ERBB4: variants seen among roughly 807,000 people sequenced by gnomAD.
ERBB4 encodes the protein erb-b2 receptor tyrosine kinase 4, also known as receptor tyrosine-protein kinase erbB-4.
ERBB4 carries 42 observed loss-of-function variants against 158.0 expected under a neutral mutation model. That is an observed-to-expected ratio of 0.27 (90% CI 0.21 to 0.34). The LOEUF (loss-of-function observed/expected upper bound fraction) is 0.34, where lower values mean the gene tolerates loss of function less well. ERBB4 is among the 10% of genes least tolerant of loss of function. The pLI is 1.00. For synonymous variants in ERBB4, 583 were observed against 558.7 expected, an observed-to-expected ratio of 1.04 and a Z score of -0.61; for missense variants, 1,333 against 1,624.1, an observed-to-expected ratio of 0.82 and a Z score of 3.08.
chr2:212,467,261 G>C (rs111582297), intron 1 of ERBB4, among the ~76,000 whole-genome samples: 1 of 152,130 alleles, frequency 6.6e-6, no homozygotes, highest in East Asian at 1.9e-4. Context: ...ATGAGGAGCC[G>C]AATGTTAATC....
chr2:211,922,001 T>C (rs2079869495), intron 3 of ERBB4, among the ~76,000 whole-genome samples: 1 of 152,122 alleles, frequency 6.6e-6, no homozygotes, highest in Non-Finnish European at 1.5e-5. Context: ...CCTTGACATT[T>C]AAGCTAACAA....
chr2:212,519,021 T>C (rs1691999913), intron 1 of ERBB4, among the ~76,000 whole-genome samples: 1 of 152,034 alleles, frequency 6.6e-6, no homozygotes, highest in African/African-American at 2.4e-5. Context: ...CTATTACTAA[T>C]GCCATCCTGT....
At chr2:211,858,572 T>G (rs1265483049) in intron 3 of ERBB4, among the ~76,000 whole-genome samples, 1 of 146,362 alleles carries the variant, frequency 6.8e-6, no homozygotes, top group Non-Finnish European at 1.5e-5. Flanking sequence ...GTTAATAAAA[T>G]CATGGCTCAC....
intron 3 of ERBB4, among the ~76,000 whole-genome samples, chr2:211,943,878 G>T (rs2080575693): frequency 6.6e-6 from 1 of 151,870 alleles, no homozygotes; most frequent in African/African-American, 2.4e-5. Context: ...TTTTTAATGT[G>T]CGAATTAATC....
intron 1 of ERBB4, among the ~76,000 whole-genome samples, chr2:212,531,056 T>G (rs1692729274): frequency 6.6e-6 from 1 of 152,204 alleles, no homozygotes; most frequent in African/African-American, 2.4e-5. Context: ...GGAAATAATG[T>G]GATTAATAGT....
intron 1 of ERBB4, among the ~76,000 whole-genome samples, chr2:212,417,973 C>T (rs750782209): frequency 9.2e-5 from 14 of 151,818 alleles, no homozygotes; most frequent in South Asian, 2.1e-4. Context: ...GAAATTAATG[C>T]CTTTATAAAA....
At chr2:212,194,214 G>C (rs576108910) in intron 1 of ERBB4, among the ~76,000 whole-genome samples, 1 of 151,738 alleles carries the variant, frequency 6.6e-6, no homozygotes, top group Non-Finnish European at 1.5e-5. Context: ...TAGAGAAAGA[G>C]AGATGTTAGG....
In ERBB4 at chr2:211,884,646, A is replaced by G. The variant is rs1263018274; in HGVS notation, c.421+62784T>C. On this transcript the variant is annotated intron_variant, in intron 3 of 27. Coordinates refer to ENST00000342788, the MANE Select transcript of ERBB4 (RefSeq NM_005235.3). ...TTCCCACATGTATCATATTTATAGC[A>G]TTTCATTATCCTCTGTCTGTGACAC... Among the ~76,000 whole-genome samples, 5 of 152,274 alleles carry G rather than the reference A, an allele frequency of 3.3e-5. No homozygotes were observed. The East Asian group carries it at 7.7e-4, about 24-fold the overall frequency.
Position 212,120,915 on chromosome 2 carries a change from A to G in ERBB4, c.234+3837T>C, listed in dbSNP as rs78372438. Among the ~76,000 whole-genome samples, 1,064 of 152,328 alleles carry G rather than the reference A, an allele frequency of 7.0e-3. 7 individuals carry two copies. The highest frequency in any genetic ancestry group is 0.024 in the Middle Eastern group (7 of 294). On this transcript the variant is annotated intron_variant, in intron 2 of 27. Coordinates refer to ENST00000342788, the MANE Select transcript of ERBB4 (RefSeq NM_005235.3). ...TATAGGAAATAATGGTAAAATCACT[A>G]TATTTTCTTTACATGGACTCCACTT...
chr2:211,503,908 A>T (rs2065679394), intron 20 of ERBB4, among the ~76,000 whole-genome samples: 1 of 152,078 alleles, frequency 6.6e-6, no homozygotes, highest in African/African-American at 2.4e-5. Context: ...GGATTGCTAG[A>T]TTGATCCCAC....
At chr2:211,799,133 G>A (rs1368540949) in intron 3 of ERBB4, among the ~76,000 whole-genome samples, 1 of 152,118 alleles carries the variant, frequency 6.6e-6, no homozygotes, top group Non-Finnish European at 1.5e-5. Context: ...TTGTACAAGA[G>A]AGCTGAGCTC....
intron 14 of ERBB4, among the ~76,000 whole-genome samples, chr2:211,671,528 T>C (rs2071839509): frequency 6.6e-6 from 1 of 152,140 alleles, no homozygotes; most frequent in Non-Finnish European, 1.5e-5. Context: ...AAATGAAACA[T>C]TAGGCAAGTT....
At position 211,562,769 on chromosome 2, in the gene ERBB4, C is replaced by CTTTTTTTTTTTTTTTTTTTTT. The variant is rs367801279; in HGVS notation, c.2302-682_2302-681insAAAAAAAAAAAAAAAAAAAAA. Reference sequence around the variant, plus strand: ...GACTATAAAAATTTGACTACTCCAACTTTTTTTTTTTTTTTTTTTTGAGAC... The same window carrying CTTTTTTTTTTTTTTTTTTTTT: ...GACTATAAAAATTTGACTACTCCAACTTTTTTTTTTTTTTTTTTTTTTTTTTTTTTTTTTTTTTTTTGAGAC... On this transcript the variant is annotated intron_variant, in intron 19 of 27. Coordinates refer to ENST00000342788, the MANE Select transcript of ERBB4 (RefSeq NM_005235.3). 2.8e-4 allele frequency among the ~76,000 whole-genome samples: 35 copies of CTTTTTTTTTTTTTTTTTTTTT among 125,704 alleles called. 3 individuals are homozygous for CTTTTTTTTTTTTTTTTTTTTT. The highest frequency in any genetic ancestry group is 3.5e-4 in the African/African-American group (10 of 28,296). 82.5% of individuals were successfully genotyped at this position (125,704 alleles called of 152,430 possible).
chr2:211,999,735 A>T (rs992550458), intron 2 of ERBB4, among the ~76,000 whole-genome samples: 2 of 151,612 alleles, frequency 1.3e-5, no homozygotes, highest in Non-Finnish European at 3.0e-5. Flanking sequence ...TCTGTCTATA[A>T]TTTTTGTGTG....
Position 211,840,139 on chromosome 2 carries a change from C to G in ERBB4, c.422-51980G>C, listed in dbSNP as rs151218560. Among the ~76,000 whole-genome samples, 145 of 152,044 alleles carry G rather than the reference C, an allele frequency of 9.5e-4. 1 individual carries two copies. In the South Asian group the frequency reaches 0.011, roughly 11 times the overall value. ...TAATTCCCACGTGTTGTGGGAGGGACCTGGTGGGACCTAACAGAATCATGG... is the reference window on the plus strand; with the variant it reads ...TAATTCCCACGTGTTGTGGGAGGGAGCTGGTGGGACCTAACAGAATCATGG... On this transcript the variant is annotated intron_variant, in intron 3 of 27. Coordinates refer to ENST00000342788, the MANE Select transcript of ERBB4 (RefSeq NM_005235.3).
intron 3 of ERBB4, among the ~76,000 whole-genome samples, chr2:211,905,647 CAT>C (rs56758130): frequency 0.047 from 3,348 of 71,340 alleles, 68 homozygotes; most frequent in Non-Finnish European, 0.051. Context: ...TAGGAAGGAT[CAT>C]ATATATATAT....
At chr2:212,264,761 G>C (rs2085069529) in intron 1 of ERBB4, among the ~76,000 whole-genome samples, 2 of 152,080 alleles carry the variant, frequency 1.3e-5, no homozygotes, top group African/African-American at 4.8e-5. Flanking sequence ...ATTATGTGTA[G>C]AAAAGGTTCA....
At chr2:211,413,222 G>A (rs1434605384) in intron 25 of ERBB4, among the ~76,000 whole-genome samples, 5 of 149,920 alleles carry the variant, frequency 3.3e-5, no homozygotes, top group Non-Finnish European at 7.4e-5. Flanking sequence ...AGGATCACTT[G>A]AGCCCAGGAG....
chr2:212,299,702 G>A (rs572960077), intron 1 of ERBB4, among the ~76,000 whole-genome samples: 1 of 151,682 alleles, frequency 6.6e-6, no homozygotes, highest in Non-Finnish European at 1.5e-5. Context: ...AGAATAAGCA[G>A]CAGGCCCCTG....
Sources: allele counts gnomAD v4.1 joint callset (sites outside exome capture counted in the v4.1 genomes callset), GRCh38; gene constraint gnomAD v4.1.1; transcripts MANE v1.5; gene names NCBI Gene and HGNC (gene_info 2026-07-23, HGNC 2026-07-21).